COL4A6: variants seen among roughly 807,000 people sequenced by gnomAD.
The protein encoded by COL4A6 is collagen type IV alpha 6 chain.
COL4A6 carries 59 observed loss-of-function variants against 126.7 expected under a neutral mutation model. The observed-to-expected ratio is 0.47, with a 90% CI of 0.38 to 0.58. The LOEUF is 0.58. COL4A6 is among the 20% of genes least tolerant of loss of function. COL4A6 has a pLI of 0.00. For missense variants in COL4A6, 1,285 were observed against 1,337.3 expected (o/e 0.96, Z 0.61); for synonymous variants, 547 against 496.6 (o/e 1.10, Z -1.35).
intron 23 of COL4A6, among the ~76,000 whole-genome samples, chrX:108,182,151 C>A (rs914891198): frequency 8.9e-6 from 1 of 112,158 alleles, no homozygotes; most frequent in Admixed American, 9.4e-5. Flanking sequence ...TAACCAGCTG[C>A]GTGGACAAGA....
At position 108,161,591 on chromosome X, in the gene COL4A6, C is replaced by T; in HGVS notation, c.4333+28G>A. On this transcript the variant is annotated intron_variant, in intron 42 of 44. Coordinates refer to ENST00000334504, the MANE Select transcript of COL4A6 (RefSeq NM_033641.4). ...CTCCCAGACCACCATCCCCGCCCCGCCCGCCTCCTAATGTGGCATCATCAG... is the reference window on the plus strand; with the variant it reads ...CTCCCAGACCACCATCCCCGCCCCGTCCGCCTCCTAATGTGGCATCATCAG... 3.5e-6 allele frequency: 2 copies of T among 568,320 alleles called. 1 individual carries two copies. The highest frequency in any genetic ancestry group is 5.5e-6 in the Non-Finnish European group (2 of 365,507). 46.8% of individuals were successfully genotyped at this position (568,320 alleles called of 1,213,427 possible).
chrX:108,199,445 C>G (rs946339463), intron 13 of COL4A6, among the ~76,000 whole-genome samples: 1 of 111,187 alleles, frequency 9.0e-6, no homozygotes, highest in African/African-American at 3.3e-5. Flanking sequence ...CCTGATTTGG[C>G]CAAGGTCACA....
At chrX:108,388,964 C>T (rs768989246) in intron 2 of COL4A6, among the ~76,000 whole-genome samples, 2 of 111,599 alleles carry the variant, frequency 1.8e-5, no homozygotes, top group East Asian at 2.8e-4. Flanking sequence ...GCCTTCATTT[C>T]GTTGTTTACC....
chrX:108,205,248 C>T (rs761314386), intron 11 of COL4A6, among the ~76,000 whole-genome samples, 191 bp downstream of exon 11: 2 of 111,220 alleles, frequency 1.8e-5, no homozygotes, highest in Non-Finnish European at 3.8e-5. Context: ...AAAAGAACCA[C>T]AATAGCCCAT....
At chrX:108,342,713 G>A (rs1306318602) in intron 2 of COL4A6, among the ~76,000 whole-genome samples, 1 of 111,534 alleles carries the variant, frequency 9.0e-6, no homozygotes, top group Non-Finnish European at 1.9e-5. Flanking sequence ...CTTTGGGCCT[G>A]CAATAGAGCC....
At chrX:108,249,581 G>A (rs988043076) in intron 3 of COL4A6, among the ~76,000 whole-genome samples, 30 of 111,718 alleles carry the variant, frequency 2.7e-4, no homozygotes, top group African/African-American at 9.5e-4. Context: ...TGTATTTAAT[G>A]AGTGTCCCAA....
rs889515720 is a variant in COL4A6, at chrX:108,344,948, G to C, written c.64-34120C>G. Among the ~76,000 whole-genome samples, 11 of 111,733 alleles carry C rather than the reference G, an allele frequency of 9.8e-5. No individual in the cohort carries two copies. In the East Asian group the frequency reaches 3.1e-3, roughly 31 times the overall value. On this transcript the variant is annotated intron_variant, in intron 2 of 44. Transcript: ENST00000334504. ...GTTACCCAGATGGATACTAACCATG[G>C]GTGGGGGATGAATGTTCCTATGTTA...
intron 3 of COL4A6, among the ~76,000 whole-genome samples, chrX:108,266,343 G>T (rs998622524): frequency 7.2e-5 from 8 of 111,560 alleles, no homozygotes; most frequent in Admixed American, 5.7e-4. Context: ...TGAGGGAAAG[G>T]ACTAAAGGAA....
chrX:108,206,802 A>G, intron 8 of COL4A6: 1 of 499,578 alleles, frequency 2.0e-6, no homozygotes, highest in Non-Finnish European at 3.6e-6. Context: ...AACTACTGAT[A>G]TATGAAACAA....
At chrX:108,176,617 C>A (rs976087106) in intron 28 of COL4A6, among the ~76,000 whole-genome samples, 13 of 111,855 alleles carry the variant, frequency 1.2e-4, no homozygotes, top group African/African-American at 3.9e-4. Flanking sequence ...GTTTTGCTGA[C>A]CATGATACTC....
chrX:108,164,630 G>C lies in COL4A6; in HGVS notation c.4039C>G (p.Pro1347Ala), dbSNP rs2034064237. The change falls in exon 40 of 45, where the codon CCC becomes GCC. Residue 1347 changes from proline (P) to alanine (A), a missense_variant. Physicochemically the swap from Pro to Ala is conservative, Grantham distance 27 (BLOSUM62 -1). Transcript: ENST00000334504. ...GGCCCTGCCTTCCCCTTCATTCCGG[G>C]AAATCCTGGGTCTCCAGGTGGCCCA... Reference protein sequence around the residue: ...KVGPPGDPGFPGMKGKAGPRG... With the variant: ...KVGPPGDPGFAGMKGKAGPRG... 1 of 1,211,650 alleles carries C rather than the reference G, an allele frequency of 8.3e-7. No homozygotes were observed. The highest frequency in any genetic ancestry group is 1.1e-6 in the Non-Finnish European group (1 of 895,423).
chrX:108,297,475 C>T (rs768281154), intron 3 of COL4A6, among the ~76,000 whole-genome samples: 1 of 111,028 alleles, frequency 9.0e-6, no homozygotes, highest in African/African-American at 3.3e-5. Context: ...TGTCCTCTAC[C>T]CACTAGATGC....
At chrX:108,431,265 GA>G (rs1358372498) in intron 2 of COL4A6, among the ~76,000 whole-genome samples, 1 of 111,747 alleles carries the variant, frequency 8.9e-6, no homozygotes, top group Non-Finnish European at 1.9e-5. Flanking sequence ...GAAGTATAAG[GA>G]GAACTAGTGA....
chrX:108,391,773 G>A (rs750930620), intron 2 of COL4A6, among the ~76,000 whole-genome samples: 3 of 112,211 alleles, frequency 2.7e-5, no homozygotes, highest in South Asian at 3.7e-4. Flanking sequence ...GAAATCCCCC[G>A]ACCCCTTGTG....
intron 3 of COL4A6, among the ~76,000 whole-genome samples, chrX:108,270,974 C>T (rs1260713300): frequency 8.9e-6 from 1 of 111,819 alleles, no homozygotes; most frequent in Non-Finnish European, 1.9e-5. Flanking sequence ...CGGCTTAGAG[C>T]AAAAGGAGAT....
At chrX:108,219,135 C>T (rs746994551) in intron 5 of COL4A6, among the ~76,000 whole-genome samples, 3 of 112,200 alleles carry the variant, frequency 2.7e-5, no homozygotes, top group Non-Finnish European at 5.6e-5. Context: ...CCAAACCTTC[C>T]ACTTCTCTTG....
chrX:108,438,030 G>A, intron 1 of COL4A6, 37 bp from the exon 2 acceptor site: 1 of 1,204,812 alleles, frequency 8.3e-7, no homozygotes, highest in Non-Finnish European at 1.1e-6. Context: ...GGGCTCTCTA[G>A]GCTTCGGGGT....
At chrX:108,412,336 A>C (rs1431521564) in intron 2 of COL4A6, among the ~76,000 whole-genome samples, 1 of 112,144 alleles carries the variant, frequency 8.9e-6, no homozygotes, top group Non-Finnish European at 1.9e-5. Flanking sequence ...GAAATATTAG[A>C]TACATCAGTA....
chrX:108,193,692 T>C lies in COL4A6; in HGVS notation c.1008A>G (p.Gln336=). Residue 336 remains glutamine, a synonymous_variant, in exon 17 of 45, where the codon CAA becomes CAG. Coordinates refer to ENST00000334504, the MANE Select transcript of COL4A6 (RefSeq NM_033641.4). ...GGCCTGGCAGGCCAATGTCACCCTT[T>C]TGACCCTGCAAAGATTAAGTACATT... is the stretch of plus-strand genomic sequence containing the variant. ...GLNGFQGIEG[Q]KGDIGLPGPD... 1 of 1,203,344 alleles carries C rather than the reference T, an allele frequency of 8.3e-7. No individual in the cohort carries two copies. Among genetic ancestry groups the C allele is most frequent in the South Asian group, 1.8e-5 (1 of 56,395 alleles).
Sources: gnomAD v4.1 joint callset for allele counts (sites outside exome capture counted in the v4.1 genomes callset) on GRCh38, gnomAD v4.1.1 for gene constraint, MANE v1.5 for transcripts, NCBI Gene and HGNC (gene_info 2026-07-23, HGNC 2026-07-21) for gene names.